The following PBX1 variants were observed in gnomAD, a reference collection of about 807,000 sequenced individuals.
The protein encoded by PBX1 is PBX homeobox 1, also known as pre-B-cell leukemia transcription factor 1.
Under a neutral mutation model 53.4 loss-of-function variants are expected in PBX1, and 6 were observed. The observed-to-expected ratio is 0.11, with a 90% CI of 0.06 to 0.22. The LOEUF is 0.22. Ranked by LOEUF, PBX1 falls within the 10% of genes least tolerant of loss-of-function variation. The pLI is 1.00. For missense variants in PBX1, 251 were observed against 551.4 expected (o/e 0.46, Z 5.46); for synonymous variants, 204 against 212.3 (o/e 0.96, Z 0.34).
At chr1:164,670,500 A>G (rs921755208) in intron 2 of PBX1, among the ~76,000 whole-genome samples, 1 of 152,150 alleles carries the variant, frequency 6.6e-6, no homozygotes, top group Non-Finnish European at 1.5e-5. Flanking sequence ...AAATCCACCT[A>G]TAGGCACTGC....
intron 2 of PBX1, among the ~76,000 whole-genome samples, chr1:164,866,544 T>C (rs1402078383): frequency 6.6e-6 from 1 of 152,244 alleles, no homozygotes; most frequent in African/African-American, 2.4e-5. Context: ...GTTTATGAGC[T>C]GTTCACAGAG....
In PBX1 at chr1:164,847,206, TC is replaced by T; in HGVS notation, c.*532del. 2 of 1,074,888 alleles carry T rather than the reference TC, an allele frequency of 1.9e-6. No individual in the cohort carries two copies. Among genetic ancestry groups the T allele is most frequent in the African/African-American group, 3.3e-5 (2 of 61,418 alleles). The allele number at this position is 1,074,888 out of a possible 1,614,324, so 66.6% of individuals were successfully genotyped here. On this transcript the variant is annotated 3_prime_UTR_variant, in exon 9 of 9. Coordinates refer to ENST00000420696, the MANE Select transcript of PBX1 (RefSeq NM_002585.4). ...GAATACTCCACATTGCCCTATTCATTCCAGGCCTCCCTGCTTCCTCTTGCTC... is the reference window on the plus strand; with the variant it reads ...GAATACTCCACATTGCCCTATTCATTCAGGCCTCCCTGCTTCCTCTTGCTC...
intron 2 of PBX1, among the ~76,000 whole-genome samples, chr1:164,689,549 A>G (rs1415657610): frequency 6.6e-6 from 1 of 152,118 alleles, no homozygotes; most frequent in African/African-American, 2.4e-5. Flanking sequence ...AATTTTTTTA[A>G]TCCTCCATAG....
intron 2 of PBX1, among the ~76,000 whole-genome samples, chr1:164,690,702 T>C (rs1473137628): frequency 1.3e-5 from 2 of 151,894 alleles, no homozygotes; most frequent in Non-Finnish European, 2.9e-5. Context: ...CTACTACCAG[T>C]AATATATTTT....
At chr1:164,872,270 T>A (rs1327275099) in intron 2 of PBX1, among the ~76,000 whole-genome samples, 1 of 152,220 alleles carries the variant, frequency 6.6e-6, no homozygotes, top group Non-Finnish European at 1.5e-5. Flanking sequence ...TCCCTCTCCA[T>A]GTGCGGACAG....
chr1:164,865,231 C>T (rs1558051962), intron 2 of PBX1, among the ~76,000 whole-genome samples: 1 of 152,150 alleles, frequency 6.6e-6, no homozygotes, highest in Non-Finnish European at 1.5e-5. Context: ...TGGCTCATAG[C>T]CAGTTCTCAT....
At chr1:164,613,369 A>T (rs1475612408) in intron 2 of PBX1, among the ~76,000 whole-genome samples, 2 of 152,092 alleles carry the variant, frequency 1.3e-5, no homozygotes, top group African/African-American at 4.8e-5. Flanking sequence ...AGCAGGTCAC[A>T]CCCCTTGCTG....
At position 164,849,181 on chromosome 1, in the gene PBX1, G is replaced by A; in HGVS notation, c.*2505G>A. On this transcript the variant is annotated 3_prime_UTR_variant, in exon 9 of 9. Transcript: ENST00000420696. ...CTTGGAAACAAGAAGAGTGACTCCA[G>A]ATGTGGCCTGAATAATTGCCATGTT... The A allele has an allele frequency of 7.0e-7, 1 of 1,427,296 alleles. No individual in the cohort carries two copies. Among genetic ancestry groups the A allele is most frequent in the Non-Finnish European group, 9.2e-7 (1 of 1,088,676 alleles). The allele number at this position is 1,427,296 out of a possible 1,614,324, so 88.4% of individuals were successfully genotyped here.
intron 2 of PBX1, among the ~76,000 whole-genome samples, chr1:164,581,125 G>A (rs1203362921): frequency 6.6e-6 from 1 of 152,106 alleles, no homozygotes; most frequent in African/African-American, 2.4e-5. Flanking sequence ...GTGATTCTAC[G>A]TGGTGCGGAT....
chr1:164,685,239 T>A (rs1269510146), intron 2 of PBX1, among the ~76,000 whole-genome samples: 1 of 152,258 alleles, frequency 6.6e-6, no homozygotes, highest in Admixed American at 6.5e-5. Flanking sequence ...GCCTGCTTTT[T>A]GAAGGTTTCT....
chr1:164,578,749 T>C (rs1316616413), intron 2 of PBX1, among the ~76,000 whole-genome samples: 1 of 152,230 alleles, frequency 6.6e-6, no homozygotes, highest in Non-Finnish European at 1.5e-5. Context: ...TGGTGATACA[T>C]GCAGAAGCAT....
chr1:164,761,992 A>G, intron 2 of PBX1, among the ~76,000 whole-genome samples: 1 of 152,212 alleles, frequency 6.6e-6, no homozygotes, highest in Middle Eastern at 3.2e-3. Flanking sequence ...ATATTGTATT[A>G]GATTACATGG....
intron 6 of PBX1, chr1:164,814,936 G>T (rs1021386723): frequency 6.6e-6 from 1 of 151,848 alleles, no homozygotes; most frequent in African/African-American, 2.4e-5. Flanking sequence ...ACTAAAACCC[G>T]GGGGGATTAG....
intron 2 of PBX1, among the ~76,000 whole-genome samples, chr1:164,565,991 A>T (rs1283832467): frequency 1.3e-5 from 2 of 152,140 alleles, no homozygotes; most frequent in East Asian, 3.9e-4. Context: ...CGAAGTTCAT[A>T]CATTTGGCTC....
At chr1:164,823,625 G>T (rs1432619352) in intron 8 of PBX1, among the ~76,000 whole-genome samples, 2 of 129,872 alleles carry the variant, frequency 1.5e-5, no homozygotes, top group Non-Finnish European at 3.3e-5. Context: ...GGTGGGGGGG[G>T]GGGTCAACAC....
At chr1:164,624,472 C>T (rs922651249) in intron 2 of PBX1, among the ~76,000 whole-genome samples, 2 of 152,300 alleles carry the variant, frequency 1.3e-5, no homozygotes, top group South Asian at 2.1e-4. Context: ...GGCATGCATT[C>T]CTTCAGCTGG....
chr1:164,774,104 A>C (rs1396863910), intron 2 of PBX1, among the ~76,000 whole-genome samples: 1 of 152,230 alleles, frequency 6.6e-6, no homozygotes, highest in African/African-American at 2.4e-5. Flanking sequence ...GAATTGTTTT[A>C]CATAGTGGGG....
At chr1:164,631,532 C>T (rs1658410128) in intron 2 of PBX1, among the ~76,000 whole-genome samples, 1 of 152,196 alleles carries the variant, frequency 6.6e-6, no homozygotes. Flanking sequence ...GACAAGTCCA[C>T]TTACTTAATT....
chr1:164,763,253 G>A (rs1455517032), intron 2 of PBX1, among the ~76,000 whole-genome samples: 3 of 152,186 alleles, frequency 2.0e-5, no homozygotes, highest in Non-Finnish European at 2.9e-5. Context: ...TCCTTCCTGA[G>A]TTTTCACTCA....
Sources: allele counts gnomAD v4.1 joint callset (sites outside exome capture counted in the v4.1 genomes callset), GRCh38; gene constraint gnomAD v4.1.1; transcripts MANE v1.5; gene names NCBI Gene and HGNC (gene_info 2026-07-23, HGNC 2026-07-21).